The following LRP1B variants were observed in gnomAD, a reference collection of about 807,000 sequenced individuals.
LRP1B encodes the protein LDL receptor related protein 1B.
In LRP1B, 217 loss-of-function variants were observed where a neutral mutation model predicts 556.6. The ratio of observed to expected loss-of-function variants is 0.39; its 90% CI spans 0.35 to 0.44. LRP1B has a LOEUF of 0.44. Ranked by LOEUF, LRP1B falls within the 20% of genes least tolerant of loss-of-function variation. The pLI, the probability that LRP1B is intolerant of heterozygous loss-of-function variation, is 1.00. For synonymous variants in LRP1B, 2,047 were observed against 1,865.8 expected (o/e 1.10, Z -2.50); for missense variants, 5,053 against 5,620.8 (o/e 0.90, Z 3.23).
At chr2:140,290,894 A>G (rs555455311) in intron 84 of LRP1B, among the ~76,000 whole-genome samples, 33 of 152,186 alleles carry the variant, frequency 2.2e-4, no homozygotes, top group Admixed American at 4.6e-4. Flanking sequence ...TCAGAGTCAG[A>G]TCCACAAAGC....
intron 6 of LRP1B, among the ~76,000 whole-genome samples, chr2:141,211,304 T>TA (rs1203235856): frequency 1.2e-3 from 184 of 147,746 alleles, no homozygotes; most frequent in African/African-American, 3.9e-3. Flanking sequence ...TCTTTTTTTT[T>TA]AAAAAAAAAA....
chr2:141,837,730 A>G (rs1261310913), intron 1 of LRP1B, among the ~76,000 whole-genome samples: 1 of 152,134 alleles, frequency 6.6e-6, no homozygotes, highest in South Asian at 2.1e-4. Context: ...TGCTGCTTGA[A>G]TCAATCAATG....
At chr2:141,937,038 G>A (rs988347678) in intron 1 of LRP1B, among the ~76,000 whole-genome samples, 1 of 151,222 alleles carries the variant, frequency 6.6e-6, no homozygotes, top group Non-Finnish European at 1.5e-5. Context: ...GCTCTTAAAA[G>A]GTGATCAATA....
intron 41 of LRP1B, among the ~76,000 whole-genome samples, chr2:140,644,205 G>A (rs1039817467): frequency 6.6e-6 from 1 of 152,046 alleles, no homozygotes; most frequent in African/African-American, 2.4e-5. Flanking sequence ...GTACACACTT[G>A]ATTATATAAT....
chr2:142,065,729 G>A (rs1705085908), intron 1 of LRP1B, among the ~76,000 whole-genome samples: 1 of 151,250 alleles, frequency 6.6e-6, no homozygotes, highest in South Asian at 2.1e-4. Context: ...GTTTACATTT[G>A]CCACAAATGA....
intron 47 of LRP1B, 27 bp from the exon 48 acceptor site, chr2:140,526,377 G>A (rs767241951): frequency 7.9e-7 from 1 of 1,271,284 alleles, no homozygotes; most frequent in Non-Finnish European, 1.2e-6. Flanking sequence ...ATAAACAAAT[G>A]CAAAGATGGG....
At chr2:140,390,944 T>C (rs1254861090) in intron 66 of LRP1B, among the ~76,000 whole-genome samples, 3 of 152,080 alleles carry the variant, frequency 2.0e-5, no homozygotes, top group South Asian at 4.1e-4. Context: ...TTTATGAGAA[T>C]ATGGAAGACC....
At chr2:140,389,364 C>T (rs1015997000) in intron 66 of LRP1B, among the ~76,000 whole-genome samples, 4 of 151,978 alleles carry the variant, frequency 2.6e-5, no homozygotes, top group Non-Finnish European at 5.9e-5. Context: ...AAATAAAAAA[C>T]AACAGTGGGA....
At chr2:140,779,663 C>T (rs1009684187) in intron 32 of LRP1B, among the ~76,000 whole-genome samples, 10 of 135,652 alleles carry the variant, frequency 7.4e-5, no homozygotes, top group South Asian at 2.2e-4. Flanking sequence ...CCACTGCACT[C>T]GAGCCCGGGT....
At chr2:140,760,102 C>G (rs1362214708) in intron 35 of LRP1B, among the ~76,000 whole-genome samples, 1 of 152,110 alleles carries the variant, frequency 6.6e-6, no homozygotes, top group Non-Finnish European at 1.5e-5. Flanking sequence ...GTGGCAAACT[C>G]ATGACATGAA....
At chr2:140,584,384 G>T in intron 43 of LRP1B, among the ~76,000 whole-genome samples, 1 of 17,960 alleles carries the variant, frequency 5.6e-5, no homozygotes, top group African/African-American at 1.3e-4. Context: ...GAAGAAATGT[G>T]CTCATATATA....
At chr2:141,986,678 G>A (rs1298446876) in intron 1 of LRP1B, among the ~76,000 whole-genome samples, 2 of 151,948 alleles carry the variant, frequency 1.3e-5, no homozygotes, top group Non-Finnish European at 2.9e-5. Context: ...GGTGACGTAT[G>A]TTGACCCTTT....
chr2:141,654,122 T>C (rs1437637507), intron 2 of LRP1B, among the ~76,000 whole-genome samples: 2 of 152,158 alleles, frequency 1.3e-5, no homozygotes, highest in Non-Finnish European at 2.9e-5. Context: ...CAAAACCCTG[T>C]GATTATTTTA....
chr2:141,613,396 C>T (rs1688180030), intron 2 of LRP1B, among the ~76,000 whole-genome samples: 1 of 152,226 alleles, frequency 6.6e-6, no homozygotes, highest in South Asian at 2.1e-4. Context: ...ACCTGCACTT[C>T]CTCCTAATGA....
chr2:141,501,790 A>C (rs1223340890), intron 2 of LRP1B, among the ~76,000 whole-genome samples: 1 of 152,196 alleles, frequency 6.6e-6, no homozygotes, highest in Non-Finnish European at 1.5e-5. Context: ...ATTTGGCTGT[A>C]GCTACAGCAT....
intron 15 of LRP1B, among the ~76,000 whole-genome samples, chr2:140,998,526 C>T (rs993776423): frequency 2.6e-5 from 4 of 151,936 alleles, no homozygotes; most frequent in African/African-American, 9.7e-5. Flanking sequence ...GTAGTAAGTT[C>T]CAAGTTACTA....
intron 35 of LRP1B, among the ~76,000 whole-genome samples, chr2:140,759,062 A>G (rs1688833278): frequency 6.6e-6 from 1 of 152,122 alleles, no homozygotes; most frequent in Admixed American, 6.5e-5. Flanking sequence ...TTTTCCCCTG[A>G]AGAACAGAGC....
At chr2:141,003,674 T>G (rs567598555) in intron 15 of LRP1B, among the ~76,000 whole-genome samples, 8 of 152,170 alleles carry the variant, frequency 5.3e-5, no homozygotes, top group Non-Finnish European at 7.4e-5. Context: ...TCCTGAACTA[T>G]GTAAGCCCAT....
chr2:140,908,134 T>C, intron 21 of LRP1B, 57 bp from the exon 22 acceptor site: 7 of 1,356,586 alleles, frequency 5.2e-6, no homozygotes, highest in Non-Finnish European at 7.3e-6. Flanking sequence ...ATTATGATAA[T>C]GAGTGGCCAT....
Sources: allele counts gnomAD v4.1 joint callset (sites outside exome capture counted in the v4.1 genomes callset), GRCh38; gene constraint gnomAD v4.1.1; transcripts MANE v1.5; gene names NCBI Gene and HGNC (gene_info 2026-07-23, HGNC 2026-07-21).